Variants in CLDN16 observed in about 807,000 individuals in gnomAD.
CLDN16 encodes the protein claudin 16.
In CLDN16, 13 loss-of-function variants were observed where a neutral mutation model predicts 24.6. That is an observed-to-expected ratio of 0.53 (90% CI 0.34 to 0.84). The LOEUF (loss-of-function observed/expected upper bound fraction) is 0.84. Among genes scored for constraint, CLDN16 ranks in the 40% least tolerant of loss-of-function variants. The pLI, the probability that CLDN16 is intolerant of heterozygous loss-of-function variation, is 0.01. For synonymous variants in CLDN16, 116 were observed against 106.7 expected (o/e 1.09, Z -0.54); for missense variants, 298 against 292.7 (o/e 1.02, Z -0.13).
chr3:190,345,982 ACT>A lies in CLDN16; in HGVS notation n.121+23324_121+23325del, dbSNP rs1446755741. ...GACTGGACTAAACCCAAATAACAAGACTCTTGTAACCAGTCCTTTTAGGTCTT... is the reference window on the plus strand; with the variant it reads ...GACTGGACTAAACCCAAATAACAAGACTTGTAACCAGTCCTTTTAGGTCTT... On this transcript the variant is annotated intron_variant and non_coding_transcript_variant, in intron 1 of 4. Coordinates refer to the CLDN16 transcript ENST00000468220. Among the ~76,000 whole-genome samples the A allele has an allele frequency of 7.9e-5, 12 of 152,066 alleles. No homozygotes were observed. The South Asian group carries it at 2.3e-3, about 29-fold the overall frequency.
At chr3:190,406,714 T>G (rs1188857054) in intron 3 of CLDN16, among the ~76,000 whole-genome samples, 1 of 151,386 alleles carries the variant, frequency 6.6e-6, no homozygotes, top group African/African-American at 2.4e-5. Flanking sequence ...CTGCGTTTTC[T>G]AAAGGTTATG....
intron 3 of CLDN16, among the ~76,000 whole-genome samples, chr3:190,375,733 A>G (rs1176864207): frequency 6.6e-6 from 1 of 151,866 alleles, no homozygotes; most frequent in East Asian, 1.9e-4. Context: ...TTGTGGGTTA[A>G]TGCAAAATGA....
At chr3:190,376,496 C>T (rs10937429) in intron 3 of CLDN16, among the ~76,000 whole-genome samples, 28,128 of 151,636 alleles carry the variant, frequency 0.19, 3,043 homozygotes, top group Middle Eastern at 0.3. Flanking sequence ...GAAAAATCAA[C>T]AAAAGCATCT....
chr3:190,364,634 A>T (rs1228785668), intron 1 of CLDN16, among the ~76,000 whole-genome samples: 1 of 151,852 alleles, frequency 6.6e-6, no homozygotes, highest in Non-Finnish European at 1.5e-5. Context: ...TGCAACTTAC[A>T]CTTCTAGTAG....
At chr3:190,304,033 T>C in the CLDN16 span, among the ~76,000 whole-genome samples, 1 of 152,284 alleles carries the variant, frequency 6.6e-6, no homozygotes, top group East Asian at 1.9e-4. Context: ...AGAGATGACA[T>C]AGGCCTGTGG....
chr3:190,363,581 T>C lies in CLDN16; in HGVS notation n.122-7312T>C, dbSNP rs1284041284. 1.7e-3 allele frequency among the ~76,000 whole-genome samples: 229 copies of C among 137,062 alleles called. 16 individuals carry two copies. The East Asian group carries it at 0.021, about 13-fold the overall frequency. The allele number at this position is 137,062 out of a possible 152,430, so 89.9% of individuals were successfully genotyped here. On this transcript the variant is annotated intron_variant and non_coding_transcript_variant, in intron 1 of 4. Transcript: ENST00000468220. ...GTATATATATATATATATATATATA[T>C]ATATATATATATATATTTTCTTTCT...
chr3:190,303,267 C>G, the CLDN16 span, among the ~76,000 whole-genome samples: 1 of 152,168 alleles, frequency 6.6e-6, no homozygotes, highest in Non-Finnish European at 1.5e-5. Flanking sequence ...ACCCAGATCA[C>G]CTATAGGCTG....
At chr3:190,354,857 T>A (rs996770805) in intron 1 of CLDN16, among the ~76,000 whole-genome samples, 1 of 152,034 alleles carries the variant, frequency 6.6e-6, no homozygotes, top group African/African-American at 2.4e-5. Flanking sequence ...ATTCCTGCCC[T>A]TTCTGAAACC....
At chr3:190,392,252 A>T (rs1294223219) in intron 1 of CLDN16, among the ~76,000 whole-genome samples, 7 of 148,744 alleles carry the variant, frequency 4.7e-5, no homozygotes, top group African/African-American at 1.7e-4. Flanking sequence ...TTTTTCCTTC[A>T]TTTCCTTGTT....
chr3:190,368,712 G>C (rs559614916), intron 1 of CLDN16, among the ~76,000 whole-genome samples: 1 of 152,082 alleles, frequency 6.6e-6, no homozygotes, highest in Non-Finnish European at 1.5e-5. Flanking sequence ...GAGGAGGCCA[G>C]AGTCATTCTG....
At chr3:190,367,213 C>T (rs549833391) in intron 1 of CLDN16, among the ~76,000 whole-genome samples, 12 of 151,922 alleles carry the variant, frequency 7.9e-5, no homozygotes, top group East Asian at 2.0e-4. Context: ...CTGATAACTC[C>T]GAAGGTTTGT....
chr3:190,352,883 C>T (rs1287291763), intron 1 of CLDN16, among the ~76,000 whole-genome samples: 1 of 151,944 alleles, frequency 6.6e-6, no homozygotes, highest in Non-Finnish European at 1.5e-5. Flanking sequence ...TAGGATAGTG[C>T]TAAATTATTT....
the CLDN16 span, among the ~76,000 whole-genome samples, chr3:190,312,350 C>G: frequency 6.6e-6 from 1 of 151,992 alleles, no homozygotes; most frequent in South Asian, 2.1e-4. Context: ...AACAGGCCAC[C>G]TCTACTCCAG....
chr3:190,399,007 G>A (rs1015520211), intron 1 of CLDN16, among the ~76,000 whole-genome samples: 3 of 152,030 alleles, frequency 2.0e-5, no homozygotes, highest in Non-Finnish European at 4.4e-5. Flanking sequence ...TTTGATCTCT[G>A]TGTTACACAG....
intron 3 of CLDN16, among the ~76,000 whole-genome samples, chr3:190,405,343 C>A (rs1001079257): frequency 1.4e-5 from 2 of 147,370 alleles, no homozygotes; most frequent in African/African-American, 5.1e-5. Context: ...GAGAATCGCT[C>A]GAACCCAGGA....
chr3:190,379,659 C>A (rs1425112), intron 3 of CLDN16, among the ~76,000 whole-genome samples: 37,790 of 151,948 alleles, frequency 0.25, 4,921 homozygotes, highest in Middle Eastern at 0.31. Context: ...CATGTACAAG[C>A]ACAGGCAAAA....
At chr3:190,344,615 C>G (rs2108631604) in intron 1 of CLDN16, among the ~76,000 whole-genome samples, 1 of 151,720 alleles carries the variant, frequency 6.6e-6, no homozygotes, top group South Asian at 2.1e-4. Flanking sequence ...TTAGTCGACA[C>G]TTTTATTTTG....
chr3:190,399,263 G>A (rs1718899036), intron 1 of CLDN16, among the ~76,000 whole-genome samples: 1 of 152,166 alleles, frequency 6.6e-6, no homozygotes, highest in African/African-American at 2.4e-5. Context: ...CAGCACTTTG[G>A]GAGGCCGAGG....
intron 1 of CLDN16, among the ~76,000 whole-genome samples, chr3:190,333,638 T>G (rs1037324463): frequency 6.6e-6 from 1 of 152,118 alleles, no homozygotes; most frequent in Non-Finnish European, 1.5e-5. Context: ...TTCTGCCTAA[T>G]GTTCAGCAGC....
Sources: allele counts gnomAD v4.1 joint callset (sites outside exome capture counted in the v4.1 genomes callset), GRCh38; gene constraint gnomAD v4.1.1; transcripts MANE v1.5; gene names NCBI Gene and HGNC (gene_info 2026-07-23, HGNC 2026-07-21).